NR2E1: variants seen among roughly 807,000 people sequenced by gnomAD.
NR2E1 encodes the protein nuclear receptor subfamily 2 group E member 1, also known as nuclear receptor TLX.
In NR2E1, 5 loss-of-function variants were observed where a neutral mutation model predicts 43.6. The observed-to-expected ratio is 0.11, with a 90% CI of 0.06 to 0.24. The LOEUF (loss-of-function observed/expected upper bound fraction) is 0.24. Ranked by LOEUF, NR2E1 falls within the 10% of genes least tolerant of loss-of-function variation. The pLI, the probability that NR2E1 is intolerant of heterozygous loss-of-function variation, is 1.00. For synonymous variants in NR2E1, 191 were observed against 195.5 expected (o/e 0.98, Z 0.19); for missense variants, 287 against 496.7 (o/e 0.58, Z 4.01).
intron 8 of NR2E1, among the ~76,000 whole-genome samples, chr6:108,183,852 T>C (rs1289873921): frequency 1.3e-5 from 2 of 152,176 alleles, no homozygotes; most frequent in Non-Finnish European, 2.9e-5. Flanking sequence ...GCAGTTAATA[T>C]TTGTTCAAAT....
At chr6:108,185,040 C>A (rs1774051456) in intron 8 of NR2E1, among the ~76,000 whole-genome samples, 1 of 152,118 alleles carries the variant, frequency 6.6e-6, no homozygotes, top group Non-Finnish European at 1.5e-5. Flanking sequence ...TATTTCTTAG[C>A]CCTTCAAATC....
At chr6:108,172,801 T>C (rs1233509096) in intron 2 of NR2E1, among the ~76,000 whole-genome samples, 1 of 152,214 alleles carries the variant, frequency 6.6e-6, no homozygotes, top group East Asian at 1.9e-4. Flanking sequence ...ACAGAAGATA[T>C]TTGCATTGAG....
intron 2 of NR2E1, among the ~76,000 whole-genome samples, chr6:108,173,975 T>C (rs945108215): frequency 6.6e-6 from 1 of 152,262 alleles, no homozygotes; most frequent in African/African-American, 2.4e-5. Context: ...CCTTTATTTT[T>C]TCAGTTACTA....
At position 108,166,466 on chromosome 6, in the gene NR2E1, G is replaced by A. The variant is rs140173391; in HGVS notation, c.-300G>A. The stretch of plus-strand genomic sequence containing the variant: ...TCTTGCTGTTCTTCCTTCTTCCTCA[G>A]TCTTCCTGTCCATCTCTCCATCTGT... On this transcript the variant is annotated 5_prime_UTR_variant, in exon 1 of 9. Transcript: ENST00000368986. The surrounding 1 kb of genome is among the most constrained non-coding windows in gnomAD (Gnocchi z 7.2). 36 of 388,510 alleles carry A rather than the reference G, an allele frequency of 9.3e-5. No homozygotes were observed. The highest frequency in any genetic ancestry group is 7.7e-4 in the African/African-American group (36 of 46,778). The allele number at this position is 388,510 out of a possible 1,614,324, so 24.1% of individuals were successfully genotyped here. A position where few individuals can be genotyped will look rare whatever the true frequency, so the allele number is the denominator to read the frequency against.
chr6:108,181,497 G>C (rs1773985272), intron 7 of NR2E1, 49 bp from the exon 8 acceptor site: 3 of 1,497,214 alleles, frequency 2.0e-6, no homozygotes, highest in Non-Finnish European at 1.9e-6. Flanking sequence ...TCGGCTCCCA[G>C]ATGCAATTTC....
chr6:108,172,177 CTG>C (rs1773824362), intron 2 of NR2E1, among the ~76,000 whole-genome samples: 1 of 152,198 alleles, frequency 6.6e-6, no homozygotes, highest in Non-Finnish European at 1.5e-5. Context: ...ATTTTCAACT[CTG>C]GAGAAGCAGG....
At position 108,166,442 on chromosome 6, in the gene NR2E1, C is replaced by A. The variant is rs996835646; in HGVS notation, c.-324C>A. 5.8e-6 allele frequency: 2 copies of A among 343,232 alleles called. No individual in the cohort carries two copies. The highest frequency in any genetic ancestry group is 4.4e-5 in the African/African-American group (2 of 45,634). 21.3% of individuals were successfully genotyped at this position (343,232 alleles called of 1,614,324 possible). A position where few individuals can be genotyped will look rare whatever the true frequency, so the allele number is the denominator to read the frequency against. The stretch of plus-strand genomic sequence containing the variant: ...CATCTCTGTCTTTCAACATCCCTCT[C>A]TTGCTGTTCTTCCTTCTTCCTCAGT... On this transcript the variant is annotated 5_prime_UTR_variant, in exon 1 of 9. Transcript: ENST00000368986. The surrounding 1 kb of genome is among the most constrained non-coding windows in gnomAD (Gnocchi z 7.2).
intron 4 of NR2E1, among the ~76,000 whole-genome samples, chr6:108,177,310 T>A (rs955779170): frequency 6.6e-6 from 1 of 152,220 alleles, no homozygotes; most frequent in Non-Finnish European, 1.5e-5. Flanking sequence ...CTCACCTACT[T>A]CTGAGGCAGG....
chr6:108,187,905 C>A lies in NR2E1; in HGVS notation c.*442C>A, dbSNP rs1774101008. The A allele has an allele frequency of 5.4e-6, 1 of 185,756 alleles. No homozygotes were observed. Among genetic ancestry groups the A allele is most frequent in the Admixed American group, 5.3e-5 (1 of 18,810 alleles). The allele number at this position is 185,756 out of a possible 1,614,324, so 11.5% of individuals were successfully genotyped here. On this transcript the variant is annotated 3_prime_UTR_variant, in exon 9 of 9. Transcript: ENST00000368986. Reference sequence around the variant, plus strand: ...CCTTCAAAACTACGTTATGTTGGAGCATTTATTTTAAAAATAATGGTAGGT... The same window carrying A: ...CCTTCAAAACTACGTTATGTTGGAGAATTTATTTTAAAAATAATGGTAGGT...
intron 1 of NR2E1, chr6:108,168,160 G>T: frequency 6.3e-7 from 1 of 1,580,276 alleles, no homozygotes; most frequent in Non-Finnish European, 8.6e-7. Context: ...GAATCTCCAG[G>T]AGGTAAAGCG....
chr6:108,183,671 C>G (rs1248509938), intron 8 of NR2E1, among the ~76,000 whole-genome samples: 2 of 152,132 alleles, frequency 1.3e-5, no homozygotes, highest in Non-Finnish European at 1.5e-5. Flanking sequence ...TAGAGTCTCT[C>G]TATTTCTATC....
At chr6:108,175,567 C>G (rs77392397) in intron 3 of NR2E1, among the ~76,000 whole-genome samples, 3,293 of 152,324 alleles carry the variant, frequency 0.022, 39 homozygotes, top group Non-Finnish European at 0.033. Flanking sequence ...CGCGCAACAG[C>G]AAGAACCAGG....
chr6:108,185,407 CAT>C (rs1774060535), intron 8 of NR2E1, among the ~76,000 whole-genome samples: 4 of 96,438 alleles, frequency 4.1e-5, no homozygotes, highest in African/African-American at 6.6e-5. Flanking sequence ...CGCACACACA[CAT>C]ACACACACAC....
At chr6:108,173,425 T>C (rs1163726710) in intron 2 of NR2E1, among the ~76,000 whole-genome samples, 1 of 152,194 alleles carries the variant, frequency 6.6e-6, no homozygotes, top group Non-Finnish European at 1.5e-5. Context: ...ATCTCCTTTC[T>C]CTCTTATTCT....
chr6:108,171,090 TA>T (rs1256280915), intron 1 of NR2E1, among the ~76,000 whole-genome samples: 1 of 152,150 alleles, frequency 6.6e-6, no homozygotes, highest in African/African-American at 2.4e-5. Context: ...CTTTCTCTGT[TA>T]AATGCAAAAG....
intron 2 of NR2E1, among the ~76,000 whole-genome samples, chr6:108,173,386 C>A (rs1002000473): frequency 6.6e-6 from 1 of 152,136 alleles, no homozygotes; most frequent in Non-Finnish European, 1.5e-5. Flanking sequence ...CAAAGATGCC[C>A]TAAATAATTC....
intron 3 of NR2E1, among the ~76,000 whole-genome samples, chr6:108,175,579 C>G (rs1261274618): frequency 6.6e-6 from 1 of 152,352 alleles, no homozygotes; most frequent in African/African-American, 2.4e-5. Context: ...AGAACCAGGA[C>G]GTCAGAGTGC....
rs1054488320 is a variant in NR2E1 at position 108,169,789 on chromosome 6, G to A, written c.26-1669G>A. On this transcript the variant is annotated intron_variant, in intron 1 of 8. Coordinates refer to ENST00000368986, the MANE Select transcript of NR2E1 (RefSeq NM_003269.5). This position sits in a 1 kb window ranked among gnomAD's most constrained non-coding sequence, Gnocchi z 6.1. ...TCCCCTCCCGCCCTGTGGGAGGGGGGCGCCGAGCCGGTGGCCGCCGCGCCG... is the reference window on the plus strand; with the variant it reads ...TCCCCTCCCGCCCTGTGGGAGGGGGACGCCGAGCCGGTGGCCGCCGCGCCG... Among the ~76,000 whole-genome samples, 1 of 151,990 alleles carries A rather than the reference G, an allele frequency of 6.6e-6. No individual in the cohort carries two copies. Among genetic ancestry groups the A allele is most frequent in the Non-Finnish European group, 1.5e-5 (1 of 67,964 alleles).
At position 108,187,622 on chromosome 6, in the gene NR2E1, A is replaced by T; in HGVS notation, c.*159A>T. 2 of 779,436 alleles carry T rather than the reference A, an allele frequency of 2.6e-6. No individual in the cohort carries two copies. The highest frequency in any genetic ancestry group is 4.3e-6 in the Non-Finnish European group (2 of 462,334). The allele number at this position is 779,436 out of a possible 1,614,324, so 48.3% of individuals were successfully genotyped here. A position where few individuals can be genotyped will look rare whatever the true frequency, so the allele number is the denominator to read the frequency against. On this transcript the variant is annotated 3_prime_UTR_variant, in exon 9 of 9. Transcript: ENST00000368986. ...ATTGACACAAAGCATTCCAGTAGCT[A>T]TGACCTGCCGCCCTGACCAGGATAG...
Sources: allele counts gnomAD v4.1 joint callset (sites outside exome capture counted in the v4.1 genomes callset), GRCh38; gene constraint gnomAD v4.1.1; non-coding constraint Gnocchi (gnomAD v3.1); transcripts MANE v1.5; gene names NCBI Gene and HGNC (gene_info 2026-07-23, HGNC 2026-07-21).